Variants in PITPNB observed in about 807,000 individuals in gnomAD.
PITPNB encodes phosphatidylinositol transfer protein beta.
Under a neutral mutation model 45.9 loss-of-function variants are expected in PITPNB, and 16 were observed. The observed-to-expected ratio is 0.35, with a 90% CI of 0.24 to 0.53. The LOEUF (loss-of-function observed/expected upper bound fraction) is 0.53. PITPNB is among the 20% of genes least tolerant of loss of function. PITPNB has a pLI of 0.93. For missense variants in PITPNB, 188 were observed against 330.5 expected (o/e 0.57, Z 3.34); for synonymous variants, 112 against 108.9 (o/e 1.03, Z -0.18).
intron 7 of PITPNB, among the ~76,000 whole-genome samples, chr22:27,876,658 C>T (rs958197093): frequency 1.3e-5 from 2 of 152,178 alleles, no homozygotes; most frequent in African/African-American, 2.4e-5. Context: ...TTCTTTGCTA[C>T]ATTTTCACTA....
At chr22:27,914,249 G>A in intron 2 of PITPNB, 68 bp downstream of exon 2, 1 of 938,578 alleles carries the variant, frequency 1.1e-6, no homozygotes, top group Admixed American at 1.8e-5. Flanking sequence ...GAAAATGTGA[G>A]TTTAGAGTAA....
chr22:27,914,097 T>C (rs1936010228), intron 2 of PITPNB, among the ~76,000 whole-genome samples: 1 of 152,224 alleles, frequency 6.6e-6, no homozygotes, highest in South Asian at 2.1e-4. Flanking sequence ...TTAAACTACA[T>C]TCTTTAGACT....
chr22:27,856,574 A>G (rs2146344509), intron 10 of PITPNB, among the ~76,000 whole-genome samples: 1 of 152,356 alleles, frequency 6.6e-6, no homozygotes, highest in East Asian at 1.9e-4. Context: ...AGTCCAAACC[A>G]GATAGGGCTT....
chr22:27,858,147 G>A (rs1229206572), intron 10 of PITPNB, among the ~76,000 whole-genome samples: 3 of 152,134 alleles, frequency 2.0e-5, no homozygotes, highest in African/African-American at 7.2e-5. Context: ...TATTTAACAG[G>A]TAACCAATTC....
intron 10 of PITPNB, among the ~76,000 whole-genome samples, chr22:27,856,430 G>A (rs762957846): frequency 1.4e-4 from 22 of 152,362 alleles, no homozygotes; most frequent in Non-Finnish European, 1.8e-4. Context: ...GGGTCACAGC[G>A]TGTTGAGGCT....
intron 10 of PITPNB, among the ~76,000 whole-genome samples, chr22:27,857,952 T>C (rs1934219422): frequency 6.6e-6 from 1 of 152,152 alleles, no homozygotes; most frequent in Non-Finnish European, 1.5e-5. Flanking sequence ...AACAATACCA[T>C]TAGCCTTACC....
chr22:27,864,446 C>T (rs1017725945), intron 8 of PITPNB, among the ~76,000 whole-genome samples: 1 of 152,054 alleles, frequency 6.6e-6, no homozygotes, highest in Non-Finnish European at 1.5e-5. Flanking sequence ...CATATCCTAC[C>T]CTGTACCCTG....
chr22:27,864,247 A>G (rs1934417071), intron 8 of PITPNB, among the ~76,000 whole-genome samples: 1 of 152,202 alleles, frequency 6.6e-6, no homozygotes, highest in Admixed American at 6.5e-5. Context: ...TCATCTGTTA[A>G]ATGTGAGCTA....
intron 2 of PITPNB, among the ~76,000 whole-genome samples, chr22:27,913,626 T>C (rs1415961719): frequency 4.6e-5 from 7 of 152,246 alleles, no homozygotes; most frequent in African/African-American, 1.7e-4. Context: ...AGTTGTGTGC[T>C]GTTCATACCA....
chr22:27,904,331 C>A (rs1188335368), intron 3 of PITPNB, among the ~76,000 whole-genome samples: 1 of 152,204 alleles, frequency 6.6e-6, no homozygotes, highest in Non-Finnish European at 1.5e-5. Flanking sequence ...TGCTTTAACA[C>A]AGACAAGCCT....
At chr22:27,862,093 C>G (rs1392886051) in intron 8 of PITPNB, among the ~76,000 whole-genome samples, 1 of 152,134 alleles carries the variant, frequency 6.6e-6, no homozygotes, top group Non-Finnish European at 1.5e-5. Context: ...ACCACTGATC[C>G]AGTGATCAGT....
chr22:27,894,482 C>T, intron 7 of PITPNB, 73 bp downstream of exon 7: 1 of 841,546 alleles, frequency 1.2e-6, no homozygotes. Flanking sequence ...TTAACTTAAT[C>T]CCAAATGTGA....
At chr22:27,890,049 G>A (rs1241394577) in intron 7 of PITPNB, among the ~76,000 whole-genome samples, 1 of 152,150 alleles carries the variant, frequency 6.6e-6, no homozygotes, top group Non-Finnish European at 1.5e-5. Context: ...AAATTAAAGG[G>A]TTAGAGTGTA....
intron 7 of PITPNB, 182 bp downstream of exon 7, chr22:27,894,373 T>C: frequency 2.2e-6 from 1 of 453,778 alleles, no homozygotes; most frequent in Non-Finnish European, 3.9e-6. Context: ...CCTTCTCTCT[T>C]ACTCTGGTCT....
chr22:27,885,602 T>G (rs961394121), intron 7 of PITPNB, among the ~76,000 whole-genome samples: 7 of 152,270 alleles, frequency 4.6e-5, no homozygotes, highest in Admixed American at 3.9e-4. Context: ...CTCGAACTCC[T>G]GAACTCAAGC....
At chr22:27,881,977 A>G (rs912847026) in intron 7 of PITPNB, among the ~76,000 whole-genome samples, 3 of 152,232 alleles carry the variant, frequency 2.0e-5, no homozygotes, top group African/African-American at 7.2e-5. Context: ...AAGATTATTT[A>G]GAGAGTGCAA....
intron 1 of PITPNB, chr22:27,918,959 A>C: frequency 1.4e-6 from 1 of 732,758 alleles, no homozygotes; most frequent in Non-Finnish European, 2.4e-6. Context: ...CGCCCCGGGG[A>C]AGGGAGAGGG....
rs1024739844 is a variant in PITPNB at position 27,856,256 on chromosome 22, A to G, written c.769-1317T>C. On this transcript the variant is annotated intron_variant, in intron 10 of 11. Transcript: ENST00000335272. ...GTTAATCAGTTTCAGCAATGTGGGT[A>G]TAAGAATGGTGACACTAAGGAATTG... Among the ~76,000 whole-genome samples the G allele has an allele frequency of 1.1e-3, 167 of 152,342 alleles. 1 individual carries two copies. Among genetic ancestry groups the G allele is most frequent in the Admixed American group, 2.5e-3 (38 of 15,306 alleles).
Position 27,873,783 on chromosome 22 carries a change from G to A in PITPNB, c.489C>T (p.Phe163=). The change falls in exon 8 of 12, where the codon TTC becomes TTT. Residue 163 remains phenylalanine, a synonymous_variant. Coordinates refer to ENST00000335272, the MANE Select transcript of PITPNB (RefSeq NM_012399.5). ...GGCCTCTCTTGGTCTTGACTGACTG[G>A]AATAATGCTGGGTCTTCATCAGCTT... is the stretch of plus-strand genomic sequence containing the variant. ...DYKADEDPAL[F]QSVKTKRGPL... 2 of 1,613,144 alleles carry A rather than the reference G, an allele frequency of 1.2e-6. No homozygotes were observed. The highest frequency in any genetic ancestry group is 1.7e-6 in the Non-Finnish European group (2 of 1,179,134).
Sources: gnomAD v4.1 joint callset for allele counts (sites outside exome capture counted in the v4.1 genomes callset) on GRCh38, gnomAD v4.1.1 for gene constraint, MANE v1.5 for transcripts, NCBI Gene and HGNC (gene_info 2026-07-23, HGNC 2026-07-21) for gene names.